NKD2: variants seen among roughly 807,000 people sequenced by gnomAD.
NKD2 encodes the protein NKD inhibitor of Wnt signaling pathway 2.
In NKD2, 43 loss-of-function variants were observed where a neutral mutation model predicts 34.8. The observed-to-expected ratio is 1.24, with a 90% confidence interval of 0.97 to 1.60. The LOEUF (loss-of-function observed/expected upper bound fraction) is 1.60. Ranked by LOEUF, NKD2 falls within the 40% of genes most tolerant of loss-of-function variation. The pLI, the probability that NKD2 is intolerant of heterozygous loss-of-function variation, is 0.00. For missense variants in NKD2, 675 were observed against 627.1 expected (o/e 1.08, Z -0.82); for synonymous variants, 278 against 265.1 (o/e 1.05, Z -0.47).
At chr5:1,014,800 A>G (rs920165094) in intron 3 of NKD2, among the ~76,000 whole-genome samples, 1 of 152,238 alleles carries the variant, frequency 6.6e-6, no homozygotes, top group African/African-American at 2.4e-5. Context: ...CAGCCCCGAC[A>G]GAGGCTGTGA....
At chr5:1,022,068 G>T (rs933736705) in intron 3 of NKD2, among the ~76,000 whole-genome samples, 35 of 151,066 alleles carry the variant, frequency 2.3e-4, no homozygotes, top group African/African-American at 7.3e-4. Context: ...GTCGAAACGG[G>T]GTCCTTGCTG....
At chr5:1,013,533 C>T (rs1367135844) in intron 3 of NKD2, among the ~76,000 whole-genome samples, 1 of 152,248 alleles carries the variant, frequency 6.6e-6, no homozygotes, top group African/African-American at 2.4e-5. Flanking sequence ...CTGGGCATGA[C>T]ACCTGATGCC....
rs535077153 is a variant in NKD2, at chr5:1,031,239, T to G, written c.142-913T>G. Among the ~76,000 whole-genome samples the G allele has an allele frequency of 9.9e-5, 15 of 152,208 alleles. No individual in the cohort carries two copies. The East Asian group carries it at 2.9e-3, about 29-fold the overall frequency. ...ATGACCCCTGGTCAGGAGGAAAGGA[T>G]GAAGCCGTGGGGACTGTGAGGGCAG... On this transcript the variant is annotated intron_variant, in intron 3 of 9. Transcript: ENST00000296849.
chr5:1,038,115 T>G lies in NKD2; in HGVS notation c.1098T>G (p.Pro366=). Residue 366 remains proline (P), a synonymous_variant, in exon 10 of 10, where the codon CCT becomes CCG. Coordinates refer to ENST00000296849, the MANE Select transcript of NKD2 (RefSeq NM_033120.4). This position sits in a 1 kb window ranked among gnomAD's most constrained non-coding sequence, Gnocchi z 4.5. ...CGGCCGTCCTGCCGCCCCAGGCCCC[T>G]CAGGACGGCCACCACCTCCCGCAGC... is the stretch of plus-strand genomic sequence containing the variant. ...YLPAVLPPQA[P]QDGHHLPQPP... The G allele has an allele frequency of 6.3e-7, 1 of 1,598,114 alleles. No individual in the cohort carries two copies. The highest frequency in any genetic ancestry group is 8.5e-7 in the Non-Finnish European group (1 of 1,174,666).
rs578250041 is a variant in NKD2, at chr5:1,018,548, A to T, written c.141+8988A>T. 1.8e-3 allele frequency among the ~76,000 whole-genome samples: 279 copies of T among 152,018 alleles called. 1 individual carries two copies. Among genetic ancestry groups the T allele is most frequent in the Non-Finnish European group, 2.5e-3 (170 of 68,024 alleles). ...GGGCTCACGTGTGTTGGGGGGAGAGACTGGTCACAGTCAGGGCGACTCAGG... is the reference window on the plus strand; with the variant it reads ...GGGCTCACGTGTGTTGGGGGGAGAGTCTGGTCACAGTCAGGGCGACTCAGG... On this transcript the variant is annotated intron_variant, in intron 3 of 9. Coordinates refer to ENST00000296849, the MANE Select transcript of NKD2 (RefSeq NM_033120.4).
intron 3 of NKD2, among the ~76,000 whole-genome samples, chr5:1,014,470 C>T (rs748656558): frequency 2.9e-4 from 44 of 152,200 alleles, no homozygotes; most frequent in Admixed American, 8.5e-4. Context: ...GAGTGCCCTT[C>T]GGTGCCCTGG....
chr5:1,036,065 C>T, intron 8 of NKD2, 192 bp from the exon 9 acceptor site: 1 of 1,308,070 alleles, frequency 7.6e-7, no homozygotes, highest in Admixed American at 3.5e-5. Flanking sequence ...TGGGGGTCGG[C>T]TGTGACCTTG....
chr5:1,038,688 C>A lies in NKD2; in HGVS notation c.*315C>A. ...AACCTGCTTTGATTCCAAAATGAGG[C>A]CCTGGAGTGCGCAAGGAGTGCCCGG... On this transcript the variant is annotated 3_prime_UTR_variant, in exon 10 of 10. Transcript: ENST00000296849. This position sits in a 1 kb window ranked among gnomAD's most constrained non-coding sequence, Gnocchi z 4.5. 3.3e-6 allele frequency: 2 copies of A among 602,596 alleles called. No individual in the cohort carries two copies. Among genetic ancestry groups the A allele is most frequent in the Non-Finnish European group, 3.0e-6 (1 of 335,924 alleles). 37.3% of individuals were successfully genotyped at this position (602,596 alleles called of 1,614,324 possible). A position where few individuals can be genotyped will look rare whatever the true frequency, so the allele number is the denominator to read the frequency against.
intron 9 of NKD2, chr5:1,036,650 G>A (rs889044352): frequency 2.3e-5 from 14 of 611,390 alleles, no homozygotes; most frequent in African/African-American, 2.0e-4. Flanking sequence ...GGATGCGGGG[G>A]TGCCTGGTTC....
At chr5:1,025,548 C>T (rs374120060) in intron 3 of NKD2, among the ~76,000 whole-genome samples, 3 of 7,124 alleles carry the variant, frequency 4.2e-4, no homozygotes, top group African/African-American at 5.8e-4. Context: ...TGTGGGCGTC[C>T]CAGCCCGTTG....
Position 1,014,453 on chromosome 5 carries a change from C to T in NKD2, c.141+4893C>T, listed in dbSNP as rs141422104. ...AAAGGGCAGGGCCGTCTCGAGTACC[C>T]ATCCACGAGTGCCCTTCGGTGCCCT... On this transcript the variant is annotated intron_variant, in intron 3 of 9. Transcript: ENST00000296849. Among the ~76,000 whole-genome samples the T allele has an allele frequency of 4.3e-3, 650 of 152,344 alleles. 3 individuals are homozygous for T. The highest frequency in any genetic ancestry group is 0.015 in the African/African-American group (610 of 41,576).
intron 8 of NKD2, chr5:1,035,790 GGGCTGGGGGTGGCTGGGGCAGT>G (rs1191094818): frequency 1.6e-5 from 7 of 432,400 alleles, no homozygotes; most frequent in African/African-American, 1.0e-4. Context: ...GGGGGCAACA[GGGCTGGGGGTGGCTGGGGCAGT>G]GGCTGAGGGT....
intron 3 of NKD2, among the ~76,000 whole-genome samples, chr5:1,017,277 G>A (rs1211950305): frequency 6.6e-6 from 1 of 152,154 alleles, no homozygotes; most frequent in Non-Finnish European, 1.5e-5. Flanking sequence ...CACCATCACC[G>A]CCTGCTCTCT....
At chr5:1,034,092 A>G (rs1414678322) in intron 5 of NKD2, 143 bp from the exon 6 acceptor site, 11 of 629,030 alleles carry the variant, frequency 1.7e-5, no homozygotes, top group Non-Finnish European at 2.5e-5. Context: ...CTTGAGCTCC[A>G]GCCACGCTGC....
intron 3 of NKD2, among the ~76,000 whole-genome samples, chr5:1,016,222 C>T (rs1387251122): frequency 1.3e-5 from 2 of 152,252 alleles, no homozygotes; most frequent in Admixed American, 6.5e-5. Context: ...GGGACAGGAG[C>T]CTTGCAGAGA....
rs35679233 is a variant in NKD2, at chr5:1,036,367, C to A, written c.770C>A (p.Thr257Lys). The A allele has an allele frequency of 9.2e-4, 1,478 of 1,612,642 alleles. 14 individuals are homozygous for A. The African/African-American group carries it at 0.017, about 18-fold the overall frequency. ...YLDLAGIENY[T>K]SRFGPGSPPV... ...GACCTCGCCGGGATTGAGAACTACA[C>A]GTCCAGATTCGGCCCTGGTAGGTCC... is the stretch of plus-strand genomic sequence containing the variant. Residue 257 changes from threonine (T) to lysine (K), a missense_variant, in exon 9 of 10, where the codon ACG becomes AAG. Coordinates refer to ENST00000296849, the MANE Select transcript of NKD2 (RefSeq NM_033120.4).
chr5:1,032,286 C>T (rs1756676237), intron 4 of NKD2, 74 bp downstream of exon 4: 3 of 1,246,482 alleles, frequency 2.4e-6, no homozygotes, highest in East Asian at 2.4e-5. Context: ...CGCCGAAAAC[C>T]ACCCTTAAAA....
chr5:1,019,410 T>C (rs1756086674), intron 3 of NKD2, among the ~76,000 whole-genome samples: 1 of 152,194 alleles, frequency 6.6e-6, no homozygotes, highest in Non-Finnish European at 1.5e-5. Context: ...CTGTGGCTTG[T>C]GTGGACGGCA....
intron 3 of NKD2, 107 bp from the exon 4 acceptor site, chr5:1,032,045 G>C (rs1242499511): frequency 1.2e-6 from 1 of 836,910 alleles, no homozygotes. Flanking sequence ...GCCCCAGGAG[G>C]CCTGAGGCGA....
Sources: gnomAD v4.1 joint callset for allele counts (sites outside exome capture counted in the v4.1 genomes callset) on GRCh38, gnomAD v4.1.1 for gene constraint, Gnocchi (gnomAD v3.1) non-coding constraint, MANE v1.5 for transcripts, NCBI Gene and HGNC (gene_info 2026-07-23, HGNC 2026-07-21) for gene names.